Variants in PTPRN2 observed in about 807,000 individuals in gnomAD.
PTPRN2 encodes the protein receptor-type tyrosine-protein phosphatase N2.
In PTPRN2, 74 loss-of-function variants were observed where a neutral mutation model predicts 118.8. The observed-to-expected ratio is 0.62, with a 90% CI of 0.52 to 0.76. The LOEUF (loss-of-function observed/expected upper bound fraction) is 0.76, where lower values mean the gene tolerates loss of function less well. Among genes scored for constraint, PTPRN2 ranks in the 30% least tolerant of loss-of-function variants. PTPRN2 has a pLI of 0.00. For missense variants in PTPRN2, 1,481 were observed against 1,394.4 expected (o/e 1.06, Z -0.99); for synonymous variants, 641 against 608.0 (o/e 1.05, Z -0.80).
At chr7:158,408,708 C>A (rs1043602637) in intron 2 of PTPRN2, among the ~76,000 whole-genome samples, 4 of 152,158 alleles carry the variant, frequency 2.6e-5, no homozygotes, top group Non-Finnish European at 4.4e-5. Context: ...AACGTGTGAC[C>A]ACCCTTCGTG....
intron 11 of PTPRN2, among the ~76,000 whole-genome samples, chr7:158,070,403 G>T (rs1323505656): frequency 6.8e-6 from 1 of 146,904 alleles, no homozygotes; most frequent in Non-Finnish European, 1.5e-5. Flanking sequence ...GCTCGTGGTG[G>T]TGGACGTGCT....
At chr7:158,277,445 T>C (rs2150988395) in intron 3 of PTPRN2, among the ~76,000 whole-genome samples, 1 of 152,250 alleles carries the variant, frequency 6.6e-6, no homozygotes, top group East Asian at 1.9e-4. Flanking sequence ...CCTGAAGCCC[T>C]CAAGTCTGCC....
intron 5 of PTPRN2, among the ~76,000 whole-genome samples, chr7:158,188,150 G>T (rs1207708562): frequency 2.0e-5 from 3 of 149,036 alleles, no homozygotes; most frequent in Admixed American, 1.3e-4. Context: ...CACCACGCTC[G>T]CCCCCTGTAC....
chr7:158,129,978 T>C (rs1173450589), intron 9 of PTPRN2, among the ~76,000 whole-genome samples: 1 of 152,202 alleles, frequency 6.6e-6, no homozygotes, highest in African/African-American at 2.4e-5. Flanking sequence ...ATGGAGTCCA[T>C]ATTTTAGTGT....
chr7:157,735,909 T>C (rs527294061), intron 12 of PTPRN2, among the ~76,000 whole-genome samples: 21 of 152,324 alleles, frequency 1.4e-4, no homozygotes, highest in Admixed American at 1.0e-3. Context: ...TCAAGCCACC[T>C]GGAAGAGAAG....
At chr7:157,545,578 G>A (rs756061444) in intron 22 of PTPRN2, among the ~76,000 whole-genome samples, 2 of 152,080 alleles carry the variant, frequency 1.3e-5, no homozygotes, top group Admixed American at 1.3e-4. Context: ...CCGCACTGCC[G>A]TTCAGCCCCT....
intron 11 of PTPRN2, among the ~76,000 whole-genome samples, chr7:157,917,159 C>T (rs1798449778): frequency 6.6e-6 from 1 of 152,262 alleles, no homozygotes; most frequent in Non-Finnish European, 1.5e-5. Flanking sequence ...GCTGGCCACG[C>T]ACCCCGGCCA....
chr7:158,450,210 C>T (rs892748343), intron 2 of PTPRN2, among the ~76,000 whole-genome samples: 4 of 152,230 alleles, frequency 2.6e-5, no homozygotes, highest in Admixed American at 2.6e-4. Context: ...CGTGGGAGCC[C>T]CACCCTCACG....
At chr7:158,380,241 C>G (rs1029107927) in intron 2 of PTPRN2, among the ~76,000 whole-genome samples, 2 of 152,200 alleles carry the variant, frequency 1.3e-5, no homozygotes, top group African/African-American at 4.8e-5. Context: ...CAAAAGCCCA[C>G]AGTCCAATGT....
intron 3 of PTPRN2, among the ~76,000 whole-genome samples, chr7:158,239,411 TC>T (rs1795771797): frequency 6.6e-6 from 1 of 152,094 alleles, no homozygotes; most frequent in Non-Finnish European, 1.5e-5. Flanking sequence ...TTTGTTTCAG[TC>T]CACAAGCCAA....
chr7:157,913,237 A>T (rs1798197635), intron 11 of PTPRN2, among the ~76,000 whole-genome samples: 2 of 152,234 alleles, frequency 1.3e-5, no homozygotes, highest in Non-Finnish European at 2.9e-5. Context: ...AAATATACAA[A>T]TACAGCTGAC....
chr7:158,519,641 G>C (rs1823836173), intron 1 of PTPRN2, among the ~76,000 whole-genome samples: 1 of 152,124 alleles, frequency 6.6e-6, no homozygotes. Context: ...TCATTCTAAA[G>C]ATACTCAAGA....
At chr7:158,151,707 T>C (rs539520637) in intron 6 of PTPRN2, among the ~76,000 whole-genome samples, 1 of 151,948 alleles carries the variant, frequency 6.6e-6, no homozygotes, top group South Asian at 2.1e-4. Context: ...CTCCCCAATC[T>C]TCCTCCCTCC....
At chr7:158,263,367 CAT>C (rs199512202) in intron 3 of PTPRN2, among the ~76,000 whole-genome samples, 2,900 of 152,208 alleles carry the variant, frequency 0.019, 102 homozygotes, top group African/African-American at 0.066. Context: ...TGAGCACACA[CAT>C]GCACACTGTA....
At chr7:158,328,163 G>A (rs1443054304) in intron 2 of PTPRN2, among the ~76,000 whole-genome samples, 2 of 152,212 alleles carry the variant, frequency 1.3e-5, no homozygotes, top group Non-Finnish European at 2.9e-5. Context: ...AGTAGAAACT[G>A]CTGTCATGGC....
chr7:157,750,869 G>A (rs1380402216), intron 12 of PTPRN2, among the ~76,000 whole-genome samples: 1 of 152,246 alleles, frequency 6.6e-6, no homozygotes, highest in East Asian at 1.9e-4. Context: ...CGTGGCATTG[G>A]AGCAGGGTGC....
At chr7:158,016,148 G>A (rs1409884060) in intron 11 of PTPRN2, among the ~76,000 whole-genome samples, 2 of 152,334 alleles carry the variant, frequency 1.3e-5, no homozygotes, top group Non-Finnish European at 2.9e-5. Context: ...AAAAAACGAT[G>A]CTTCCGATTT....
chr7:158,020,961 G>T (rs1806833539), intron 11 of PTPRN2, among the ~76,000 whole-genome samples: 1 of 152,150 alleles, frequency 6.6e-6, no homozygotes, highest in Non-Finnish European at 1.5e-5. Flanking sequence ...CGGACATCGG[G>T]TCAGACGGTT....
At chr7:157,649,373 C>T (rs375413540) in intron 14 of PTPRN2, among the ~76,000 whole-genome samples, 2,239 of 107,580 alleles carry the variant, frequency 0.021, 87 homozygotes, top group African/African-American at 0.068. Context: ...GCACTGAACT[C>T]GGTGGGTCGG....
Sources: allele counts gnomAD v4.1 joint callset (sites outside exome capture counted in the v4.1 genomes callset), GRCh38; gene constraint gnomAD v4.1.1; transcripts MANE v1.5; gene names NCBI Gene and HGNC (gene_info 2026-07-23, HGNC 2026-07-21).